Variants in DPYD observed in about 807,000 individuals in gnomAD.
The protein encoded by DPYD is dihydropyrimidine dehydrogenase [NADP(+)].
Under a neutral mutation model 116.2 loss-of-function variants are expected in DPYD, and 109 were observed. The observed-to-expected ratio is 0.94, with a 90% CI of 0.80 to 1.10. The LOEUF is 1.10. Ranked by LOEUF, DPYD falls within the 50% of genes least tolerant of loss-of-function variation. The pLI is 0.00. For missense variants in DPYD, 1,302 were observed against 1,254.5 expected, an observed-to-expected ratio of 1.04 and a Z score of -0.57; for synonymous variants, 440 against 432.0, an observed-to-expected ratio of 1.02 and a Z score of -0.23.
At chr1:97,673,566 A>T (rs1166960678) in intron 8 of DPYD, among the ~76,000 whole-genome samples, 1 of 152,222 alleles carries the variant, frequency 6.6e-6, no homozygotes, top group East Asian at 1.9e-4. Flanking sequence ...ACATCTGTCA[A>T]TGAAGAAAGC....
At chr1:97,160,310 G>A (rs1238386208) in intron 20 of DPYD, among the ~76,000 whole-genome samples, 1 of 147,160 alleles carries the variant, frequency 6.8e-6, no homozygotes, top group Non-Finnish European at 1.5e-5. Flanking sequence ...AGTAGAATGG[G>A]AAGCTACACT....
At chr1:97,435,593 A>AT (rs1675425645) in intron 14 of DPYD, among the ~76,000 whole-genome samples, 1 of 151,960 alleles carries the variant, frequency 6.6e-6, no homozygotes, top group Non-Finnish European at 1.5e-5. Context: ...AACTGAATCA[A>AT]TTATCTAATC....
intron 16 of DPYD, among the ~76,000 whole-genome samples, chr1:97,359,293 G>T (rs1670590505): frequency 6.6e-6 from 1 of 152,194 alleles, no homozygotes; most frequent in Non-Finnish European, 1.5e-5. Context: ...AAGCCTCCAA[G>T]AAATATGGGA....
intron 20 of DPYD, among the ~76,000 whole-genome samples, chr1:97,113,271 G>GT: frequency 6.6e-6 from 1 of 152,064 alleles, no homozygotes; most frequent in Non-Finnish European, 1.5e-5. Context: ...TCTAGGGATG[G>GT]TTTTTCCATT....
intron 14 of DPYD, among the ~76,000 whole-genome samples, chr1:97,412,461 A>G (rs1674059592): frequency 6.6e-6 from 1 of 152,184 alleles, no homozygotes; most frequent in Admixed American, 6.5e-5. Flanking sequence ...TACAAAACGA[A>G]TAGGAGAAAC....
intron 11 of DPYD, among the ~76,000 whole-genome samples, chr1:97,554,438 C>T (rs1221841413): frequency 1.3e-5 from 2 of 152,074 alleles, no homozygotes; most frequent in East Asian, 1.9e-4. Context: ...GGAATAAAAA[C>T]TTTCAACATT....
At chr1:97,258,492 T>A (rs115641030) in intron 18 of DPYD, among the ~76,000 whole-genome samples, 1 of 152,196 alleles carries the variant, frequency 6.6e-6, no homozygotes, top group Admixed American at 6.5e-5. Flanking sequence ...CTAAAAGTGA[T>A]ACCTGCTTAA....
intron 19 of DPYD, among the ~76,000 whole-genome samples, chr1:97,193,645 C>T (rs952551284): frequency 4.6e-5 from 7 of 152,136 alleles, no homozygotes; most frequent in African/African-American, 1.4e-4. Context: ...GCAGTTCTCA[C>T]GTCTGAAAGT....
At chr1:97,610,409 T>C (rs1655865822) in intron 8 of DPYD, among the ~76,000 whole-genome samples, 1 of 152,008 alleles carries the variant, frequency 6.6e-6, no homozygotes, top group Non-Finnish European at 1.5e-5. Flanking sequence ...TGACCAAGAA[T>C]AAAAGAGTGC....
intron 20 of DPYD, among the ~76,000 whole-genome samples, chr1:97,115,524 C>G (rs6593631): frequency 0.89 from 135,121 of 152,196 alleles, 60,210 homozygotes; most frequent in East Asian, 0.99. Context: ...AGCAGGATTA[C>G]AGCAGCACAT....
At chr1:97,666,043 CTTAAG>C (rs1473269274) in intron 8 of DPYD, among the ~76,000 whole-genome samples, 1 of 151,996 alleles carries the variant, frequency 6.6e-6, no homozygotes, top group Non-Finnish European at 1.5e-5. Context: ...TTTCTTTTTT[CTTAAG>C]TTATCAAAAA....
intron 13 of DPYD, among the ~76,000 whole-genome samples, chr1:97,470,258 G>A (rs1451508555): frequency 1.3e-5 from 2 of 151,708 alleles, no homozygotes; most frequent in African/African-American, 4.9e-5. Context: ...GTGCCACCCA[G>A]ACAAGTAAAC....
intron 2 of DPYD, among the ~76,000 whole-genome samples, chr1:97,839,599 T>C (rs753271791): frequency 1.6e-4 from 25 of 152,212 alleles, no homozygotes; most frequent in Non-Finnish European, 2.6e-4. Flanking sequence ...CATATTTTAC[T>C]TAACAATTTT....
intron 18 of DPYD, among the ~76,000 whole-genome samples, chr1:97,279,497 G>A (rs1046891253): frequency 4.4e-4 from 60 of 136,680 alleles, no homozygotes; most frequent in Middle Eastern, 7.2e-3. Flanking sequence ...ACAGAGATTT[G>A]TTTGTTTGTT....
rs563834201 is a variant in DPYD at position 97,553,073 on chromosome 1, G to C, written c.1340-3329C>G. Among the ~76,000 whole-genome samples, 5 of 151,976 alleles carry C rather than the reference G, an allele frequency of 3.3e-5. No homozygotes were observed. In the South Asian group the frequency reaches 1.0e-3, roughly 32 times the overall value. ...CAGTGGGTCAGAAATATTTCTTTCA[G>C]TAGCCCTAAGCACCAAGAATGACTA... On this transcript the variant is annotated intron_variant, in intron 11 of 22. Coordinates refer to ENST00000370192, the MANE Select transcript of DPYD (RefSeq NM_000110.4).
At chr1:97,303,683 A>G (rs977771390) in intron 18 of DPYD, among the ~76,000 whole-genome samples, 1 of 152,056 alleles carries the variant, frequency 6.6e-6, no homozygotes, top group Admixed American at 6.6e-5. Context: ...GGCTATTTTC[A>G]AAACAGATTG....
chr1:97,791,426 G>C (rs577843196), intron 3 of DPYD, among the ~76,000 whole-genome samples: 5 of 152,304 alleles, frequency 3.3e-5, no homozygotes, highest in African/African-American at 1.2e-4. Context: ...ATGTGCTTTT[G>C]CAACTGTAGC....
intron 3 of DPYD, among the ~76,000 whole-genome samples, chr1:97,751,478 A>ATG: frequency 8.1e-6 from 1 of 122,880 alleles, no homozygotes. Flanking sequence ...ATATATATAT[A>ATG]TATATATATA....
intron 19 of DPYD, among the ~76,000 whole-genome samples, chr1:97,228,964 G>A (rs892688287): frequency 2.0e-5 from 3 of 151,922 alleles, no homozygotes; most frequent in African/African-American, 2.4e-5. Flanking sequence ...TTGGGAGGCC[G>A]AGGTGGGCGG....
Sources: gnomAD v4.1 joint callset for allele counts (sites outside exome capture counted in the v4.1 genomes callset) on GRCh38, gnomAD v4.1.1 for gene constraint, MANE v1.5 for transcripts, NCBI Gene and HGNC (gene_info 2026-07-23, HGNC 2026-07-21) for gene names.